TSPAN2: variants seen among roughly 807,000 people sequenced by gnomAD.
TSPAN2 encodes the protein tetraspanin 2, also known as tetraspanin-2.
A neutral mutation model predicts 33.3 loss-of-function variants in TSPAN2; 24 were observed. That is an observed-to-expected ratio of 0.72 (90% CI 0.52 to 1.01). The LOEUF is 1.01. Ranked by LOEUF, TSPAN2 falls within the 50% of genes least tolerant of loss-of-function variation. The pLI is 0.00. For synonymous variants in TSPAN2, 114 were observed against 104.5 expected (o/e 1.09, Z -0.56); for missense variants, 278 against 281.3 (o/e 0.99, Z 0.08).
intron 2 of TSPAN2, among the ~76,000 whole-genome samples, chr1:115,069,388 G>A (rs749531590): frequency 2.0e-5 from 3 of 152,242 alleles, no homozygotes; most frequent in African/African-American, 4.8e-5. Context: ...TGACAAGTTC[G>A]AGGATGGGCA....
chr1:115,082,132 T>C (rs1000176303), intron 1 of TSPAN2, among the ~76,000 whole-genome samples: 3 of 152,258 alleles, frequency 2.0e-5, no homozygotes, highest in African/African-American at 7.2e-5. Flanking sequence ...ACTAGGCACC[T>C]ATGGCTATGG....
intron 1 of TSPAN2, among the ~76,000 whole-genome samples, chr1:115,088,684 G>A (rs1570989797): frequency 1.3e-5 from 2 of 152,130 alleles, no homozygotes; most frequent in East Asian, 3.9e-4. Flanking sequence ...CAGAGGCTGC[G>A]GCTGGGGGTT....
chr1:115,089,298 G>A lies in TSPAN2; in HGVS notation c.69+66C>T, dbSNP rs990496175. 11 of 1,408,642 alleles carry A rather than the reference G, an allele frequency of 7.8e-6. No individual in the cohort carries two copies. The African/African-American group carries it at 1.3e-4, about 17-fold the overall frequency. 87.3% of individuals were successfully genotyped at this position (1,408,642 alleles called of 1,614,324 possible). Reference sequence around the variant, plus strand: ...CGGACGCCGCAGTCAGCAGCTCGGGGACCCCGGCCCCGCGCCCGCCACCCG... The same window carrying A: ...CGGACGCCGCAGTCAGCAGCTCGGGAACCCCGGCCCCGCGCCCGCCACCCG... On this transcript the variant is annotated intron_variant, in intron 1 of 7. Transcript: ENST00000369516.
At chr1:115,062,308 G>C in intron 2 of TSPAN2, 76 bp from the exon 3 acceptor site, 1 of 1,120,306 alleles carries the variant, frequency 8.9e-7, no homozygotes, top group Non-Finnish European at 1.3e-6. Flanking sequence ...TAAGACTCTG[G>C]GCACTGCAGA....
chr1:115,059,596 C>T (rs777163884), intron 4 of TSPAN2, among the ~76,000 whole-genome samples: 3 of 152,172 alleles, frequency 2.0e-5, no homozygotes, highest in East Asian at 1.9e-4. Context: ...GTATTCATCA[C>T]CAAGGAAAAC....
intron 6 of TSPAN2, among the ~76,000 whole-genome samples, chr1:115,055,737 G>A (rs1464618592): frequency 6.6e-6 from 1 of 152,064 alleles, no homozygotes; most frequent in African/African-American, 2.4e-5. Flanking sequence ...GCCCAGGGTG[G>A]TCTTAAACTC....
At chr1:115,079,145 ACACACAC>A (rs1557884450) in intron 1 of TSPAN2, among the ~76,000 whole-genome samples, 2 of 99,142 alleles carry the variant, frequency 2.0e-5, no homozygotes, top group African/African-American at 2.9e-5. Context: ...CGCCACACAC[ACACACAC>A]ACACACACAC....
intron 1 of TSPAN2, among the ~76,000 whole-genome samples, chr1:115,087,801 A>G (rs899468635): frequency 1.3e-5 from 2 of 152,164 alleles, no homozygotes; most frequent in African/African-American, 4.8e-5. Context: ...TGAAAGTAAT[A>G]TGCTTAGCAC....
At chr1:115,066,373 T>A (rs984700679) in intron 2 of TSPAN2, among the ~76,000 whole-genome samples, 1 of 152,222 alleles carries the variant, frequency 6.6e-6, no homozygotes, top group African/African-American at 2.4e-5. Flanking sequence ...TGTACGAGGC[T>A]TCCCCTTTCT....
chr1:115,059,899 C>T (rs1647635079), intron 4 of TSPAN2, among the ~76,000 whole-genome samples: 1 of 152,188 alleles, frequency 6.6e-6, no homozygotes, highest in Non-Finnish European at 1.5e-5. Context: ...TTCCATTCTT[C>T]CTCCTTTTCC....
chr1:115,083,448 C>G (rs1220850223), intron 1 of TSPAN2, among the ~76,000 whole-genome samples: 1 of 152,072 alleles, frequency 6.6e-6, no homozygotes, highest in African/African-American at 2.4e-5. Flanking sequence ...CAAAAACAAG[C>G]CAAGTGAGTA....
intron 2 of TSPAN2, among the ~76,000 whole-genome samples, chr1:115,065,644 C>T (rs897744158): frequency 2.6e-5 from 4 of 152,050 alleles, no homozygotes; most frequent in African/African-American, 9.7e-5. Context: ...AATAGTTGTA[C>T]ACATTTTGGG....
chr1:115,080,824 C>T (rs1258990626), intron 1 of TSPAN2, among the ~76,000 whole-genome samples: 1 of 152,228 alleles, frequency 6.6e-6, no homozygotes, highest in Non-Finnish European at 1.5e-5. Flanking sequence ...ATCCAGCTGG[C>T]TCTCATCCTA....
chr1:115,085,774 C>T (rs1648809192), intron 1 of TSPAN2, among the ~76,000 whole-genome samples: 1 of 152,156 alleles, frequency 6.6e-6, no homozygotes, highest in East Asian at 1.9e-4. Context: ...TCCCTTAAGT[C>T]ATGAGGTGCC....
At chr1:115,088,323 C>G (rs1648922976) in intron 1 of TSPAN2, among the ~76,000 whole-genome samples, 1 of 152,196 alleles carries the variant, frequency 6.6e-6, no homozygotes, top group South Asian at 2.1e-4. Context: ...GCCACCTCCT[C>G]CAACCTGGTA....
At chr1:115,063,343 G>A (rs1173688341) in intron 2 of TSPAN2, among the ~76,000 whole-genome samples, 4 of 152,196 alleles carry the variant, frequency 2.6e-5, no homozygotes, top group Admixed American at 1.3e-4. Flanking sequence ...CTAATCATCA[G>A]AGAAATGCAA....
At chr1:115,073,844 T>C (rs1648289907) in intron 1 of TSPAN2, among the ~76,000 whole-genome samples, 1 of 152,060 alleles carries the variant, frequency 6.6e-6, no homozygotes, top group Non-Finnish European at 1.5e-5. Flanking sequence ...CTGAAGGCTT[T>C]TGTGAGGCTC....
chr1:115,056,657 C>G (rs1260964393), intron 6 of TSPAN2, among the ~76,000 whole-genome samples: 1 of 152,186 alleles, frequency 6.6e-6, no homozygotes, highest in Non-Finnish European at 1.5e-5. Flanking sequence ...CTCCTAAGTG[C>G]GTTTCCCTCT....
At chr1:115,074,513 G>A (rs7548532) in intron 1 of TSPAN2, among the ~76,000 whole-genome samples, 57,220 of 151,618 alleles carry the variant, frequency 0.38, 11,090 homozygotes, top group South Asian at 0.56. Flanking sequence ...AATGTGAGGG[G>A]CAGCTAAAGG....
Sources: gnomAD v4.1 joint callset for allele counts (sites outside exome capture counted in the v4.1 genomes callset) on GRCh38, gnomAD v4.1.1 for gene constraint, MANE v1.5 for transcripts, NCBI Gene and HGNC (gene_info 2026-07-23, HGNC 2026-07-21) for gene names.